SETD2: variants seen among roughly 807,000 people sequenced by gnomAD.
SETD2 encodes the protein SET domain containing 2, histone lysine methyltransferase, also known as histone-lysine N-methyltransferase SETD2.
SETD2 carries 31 observed loss-of-function variants against 242.1 expected under a neutral mutation model. The observed-to-expected ratio is 0.13, with a 90% confidence interval of 0.10 to 0.17. The LOEUF is 0.17. Among genes scored for constraint, SETD2 ranks in the 10% least tolerant of loss-of-function variants. The probability of loss-of-function intolerance (pLI) is 1.00; values close to 1 mark genes in which losing one functional copy is unlikely to be tolerated. For missense variants in SETD2, 2,481 were observed against 3,046.3 expected, an observed-to-expected ratio of 0.81 and a Z score of 4.37; for synonymous variants, 1,006 against 1,066.5, an observed-to-expected ratio of 0.94 and a Z score of 1.11.
At chr3:47,040,569 A>ATTTTTTTTTTTTTTTTTTT (rs34309892) in intron 17 of SETD2, among the ~76,000 whole-genome samples, 1 of 91,740 alleles carries the variant, frequency 1.1e-5, no homozygotes, top group African/African-American at 4.4e-5. Flanking sequence ...AGGGAAAAGG[A>ATTTTTTTTTTTTTTTTTTT]TTTTTTTTTT....
rs542943921 is a variant in SETD2 at position 47,143,962 on chromosome 3, G to A, written c.72-17299C>T. 5.9e-5 allele frequency among the ~76,000 whole-genome samples: 9 copies of A among 152,092 alleles called. No homozygotes were observed. In the South Asian group the frequency reaches 1.0e-3, roughly 18 times the overall value. ...CCTGACCTCGTGATCTGCCCGCCTCGGCCTCCCAAAGTGCCGGGATTACAG... is the reference window on the plus strand; with the variant it reads ...CCTGACCTCGTGATCTGCCCGCCTCAGCCTCCCAAAGTGCCGGGATTACAG... On this transcript the variant is annotated intron_variant, in intron 1 of 20. Transcript: ENST00000409792.
At chr3:47,039,411 C>CA (rs2039171211) in intron 17 of SETD2, among the ~76,000 whole-genome samples, 1 of 151,990 alleles carries the variant, frequency 6.6e-6, no homozygotes. Context: ...GGTGAGGTTT[C>CA]ACCATGTTGG....
rs1471812761 is a variant in SETD2 at position 47,122,369 on chromosome 3, T to A, written c.2267A>T (p.His756Leu). ...FRETEPLVSP[H>L]QDKLMSMPVM... ...TGGCATAGACATGAGTTTATCTTGG[T>A]GTGGTGACACCAGAGGTTCTGTTTC... Residue 756 changes from histidine (H) to leucine (L), a missense_variant, in exon 3 of 21, where the codon CAC becomes CTC. Around this residue, in one of 17 missense-constraint regions of SETD2, gnomAD observed 1,300 missense variants for 1,259.2 expected, o/e 1.03. Transcript: ENST00000409792. 6.2e-7 allele frequency: 1 copy of A among 1,614,044 alleles called. No homozygotes were observed. The highest frequency in any genetic ancestry group is 2.2e-5 in the East Asian group (1 of 44,884).
At chr3:47,125,432 G>T (rs1451598995) in intron 2 of SETD2, among the ~76,000 whole-genome samples, 1 of 152,086 alleles carries the variant, frequency 6.6e-6, no homozygotes, top group Non-Finnish European at 1.5e-5. Flanking sequence ...GAAAGGGTTT[G>T]TTTTTTGGGG....
At chr3:47,050,258 G>A (rs975140627) in intron 15 of SETD2, among the ~76,000 whole-genome samples, 1 of 151,824 alleles carries the variant, frequency 6.6e-6, no homozygotes, top group Non-Finnish European at 1.5e-5. Flanking sequence ...CTGAAAATAT[G>A]TACACCTATT....
At chr3:47,150,859 G>A (rs1486579693) in intron 1 of SETD2, among the ~76,000 whole-genome samples, 1 of 150,932 alleles carries the variant, frequency 6.6e-6, no homozygotes, top group African/African-American at 2.4e-5. Flanking sequence ...GGTTGAGGCT[G>A]CAGTGAGCCG....
intron 18 of SETD2, among the ~76,000 whole-genome samples, chr3:47,023,714 A>G (rs1296481957): frequency 6.6e-6 from 1 of 152,212 alleles, no homozygotes; most frequent in African/African-American, 2.4e-5. Context: ...AAAAACCCCA[A>G]TGCAGTATAA....
At chr3:47,095,515 T>C (rs372546333) in intron 9 of SETD2, among the ~76,000 whole-genome samples, 25 of 152,288 alleles carry the variant, frequency 1.6e-4, no homozygotes, top group Non-Finnish European at 2.9e-4. Flanking sequence ...CCATGAATTA[T>C]ATGAAACAAG....
At chr3:47,127,809 G>C (rs146239495) in intron 1 of SETD2, among the ~76,000 whole-genome samples, 1 of 152,150 alleles carries the variant, frequency 6.6e-6, no homozygotes, top group Non-Finnish European at 1.5e-5. Flanking sequence ...AGCCAAAGTC[G>C]TGCCATTGCA....
intron 12 of SETD2, among the ~76,000 whole-genome samples, chr3:47,075,352 G>A (rs1158956196): frequency 1.3e-5 from 2 of 151,608 alleles, no homozygotes; most frequent in Non-Finnish European, 2.9e-5. Flanking sequence ...CTGAGGTCGG[G>A]AGTTCGAGAC....
At chr3:47,113,823 AGT>A in intron 5 of SETD2, 51 bp downstream of exon 5, 1 of 1,570,186 alleles carries the variant, frequency 6.4e-7, no homozygotes, top group Non-Finnish European at 8.7e-7. Context: ...TGGGTGAAAG[AGT>A]GAGACCTTGT....
chr3:47,106,938 C>T (rs2042452100), intron 5 of SETD2, among the ~76,000 whole-genome samples: 2 of 152,126 alleles, frequency 1.3e-5, no homozygotes, highest in South Asian at 2.1e-4. Flanking sequence ...TATGTAATGA[C>T]ATTCTCTTTG....
At chr3:47,109,383 C>T (rs1029358909) in intron 5 of SETD2, among the ~76,000 whole-genome samples, 2 of 152,250 alleles carry the variant, frequency 1.3e-5, no homozygotes, top group South Asian at 2.1e-4. Context: ...TGGTGGCTCA[C>T]GCCTGTAATA....
At chr3:47,061,926 A>G (rs1164837937) in intron 14 of SETD2, among the ~76,000 whole-genome samples, 1 of 152,242 alleles carries the variant, frequency 6.6e-6, no homozygotes, top group Non-Finnish European at 1.5e-5. Context: ...AACGACATTT[A>G]AATATTATCA....
At chr3:47,161,614 TTACAA>T (rs1320073859) in intron 1 of SETD2, among the ~76,000 whole-genome samples, 1 of 152,126 alleles carries the variant, frequency 6.6e-6, no homozygotes, top group Non-Finnish European at 1.5e-5. Context: ...AAAAAACATG[TTACAA>T]TTCTTTACTC....
chr3:47,061,393 G>A (rs1172034768), intron 14 of SETD2, among the ~76,000 whole-genome samples: 1 of 152,070 alleles, frequency 6.6e-6, no homozygotes, highest in African/African-American at 2.4e-5. Flanking sequence ...AAGGCACCAA[G>A]AACTTACAGT....
At chr3:47,087,555 C>T (rs2041616618) in intron 10 of SETD2, among the ~76,000 whole-genome samples, 1 of 152,202 alleles carries the variant, frequency 6.6e-6, no homozygotes, top group Non-Finnish European at 1.5e-5. Context: ...CTAATCAGCC[C>T]ATGGCCTGGG....
rs1559706650 is a variant in SETD2 at position 47,088,261 on chromosome 3, T to TAA, written c.5143-16_5143-15dup. 6.4e-7 allele frequency: 1 copy of TAA among 1,564,716 alleles called. No homozygotes were observed. The highest frequency in any genetic ancestry group is 8.6e-7 in the Non-Finnish European group (1 of 1,162,978). On this transcript the variant is annotated splice_polypyrimidine_tract_variant and intron_variant, in intron 9 of 20. Coordinates refer to ENST00000409792, the MANE Select transcript of SETD2 (RefSeq NM_014159.7). ...CTCTCCATCCACCTACCACAGCAAA[T>TAA]AAAAATACCTTTTTATAAAACAACA... is the stretch of plus-strand genomic sequence containing the variant.
rs557843841 is a variant in SETD2, at chr3:47,053,836, G to C, written c.6963+2985C>G. ...CCCATTAATGTCAATAATCTCCCCT[G>C]AATACTATTAAGGTAACTATTTGTG... On this transcript the variant is annotated intron_variant, in intron 15 of 20. Coordinates refer to ENST00000409792, the MANE Select transcript of SETD2 (RefSeq NM_014159.7). Among the ~76,000 whole-genome samples, 19 of 152,204 alleles carry C rather than the reference G, an allele frequency of 1.2e-4. No homozygotes were observed. The Middle Eastern group carries it at 0.017, about 136-fold the overall frequency.
Sources: allele counts gnomAD v4.1 joint callset (sites outside exome capture counted in the v4.1 genomes callset), GRCh38; gene constraint gnomAD v4.1.1; regional missense constraint gnomAD v4.1.1; transcripts MANE v1.5; gene names NCBI Gene and HGNC (gene_info 2026-07-23, HGNC 2026-07-21).